Variants in PCBP3 observed in about 807,000 individuals in gnomAD.
PCBP3 encodes poly(rC) binding protein 3.
PCBP3 carries 25 observed loss-of-function variants against 52.7 expected under a neutral mutation model. That is an observed-to-expected ratio of 0.47 (90% confidence interval 0.35 to 0.66). The LOEUF (loss-of-function observed/expected upper bound fraction) is 0.66. PCBP3 is among the 30% of genes least tolerant of loss of function. The pLI, the probability that PCBP3 is intolerant of heterozygous loss-of-function variation, is 0.01. For synonymous variants in PCBP3, 162 were observed against 183.0 expected, an observed-to-expected ratio of 0.89 and a Z score of 0.93; for missense variants, 391 against 490.3, an observed-to-expected ratio of 0.80 and a Z score of 1.91.
intron 14 of PCBP3, among the ~76,000 whole-genome samples, chr21:45,930,375 C>A (rs1365634631): frequency 1.3e-5 from 2 of 152,174 alleles, no homozygotes; most frequent in African/African-American, 2.4e-5. Context: ...TCTCCAGGAG[C>A]AAGAGCACAG....
At chr21:45,720,084 A>G (rs1569149485) in intron 2 of PCBP3, among the ~76,000 whole-genome samples, 1 of 152,172 alleles carries the variant, frequency 6.6e-6, no homozygotes, top group Non-Finnish European at 1.5e-5. Flanking sequence ...TGTTAAAAAT[A>G]TTATACTCGA....
intron 4 of PCBP3, among the ~76,000 whole-genome samples, chr21:45,786,338 T>C (rs1048621987): frequency 7.9e-5 from 12 of 151,974 alleles, no homozygotes; most frequent in Non-Finnish European, 1.6e-4. Flanking sequence ...TTGCCCAGGC[T>C]GGAGTGCAAT....
At chr21:45,679,372 C>T (rs2081685968) in intron 2 of PCBP3, among the ~76,000 whole-genome samples, 1 of 152,182 alleles carries the variant, frequency 6.6e-6, no homozygotes, top group Admixed American at 6.5e-5. Context: ...CCACTCACCT[C>T]AGCTTCCCAA....
chr21:45,852,887 G>A (rs2094104362), intron 5 of PCBP3, among the ~76,000 whole-genome samples: 1 of 152,254 alleles, frequency 6.6e-6, no homozygotes, highest in Admixed American at 6.5e-5. Context: ...AACTAATACA[G>A]TAACTTTTAT....
chr21:45,686,208 G>A (rs940114689), intron 2 of PCBP3, among the ~76,000 whole-genome samples: 9 of 152,208 alleles, frequency 5.9e-5, no homozygotes, highest in East Asian at 1.9e-4. Flanking sequence ...GTGAACCACC[G>A]TGCCTGGCCT....
intron 1 of PCBP3, among the ~76,000 whole-genome samples, chr21:45,646,422 TAAC>T (rs899018683): frequency 1.3e-5 from 2 of 152,190 alleles, no homozygotes; most frequent in Non-Finnish European, 2.9e-5. Flanking sequence ...CCTGTTTTCT[TAAC>T]AACCATTCCT....
At chr21:45,760,130 G>A (rs1234348503) in intron 4 of PCBP3, 2 of 152,134 alleles carry the variant, frequency 1.3e-5, no homozygotes, top group Non-Finnish European at 1.5e-5. Context: ...ACAAACACAA[G>A]TGGAGATAAT....
intron 3 of PCBP3, chr21:45,752,813 G>T (rs1228787480): frequency 1.3e-5 from 2 of 151,532 alleles, no homozygotes; most frequent in Non-Finnish European, 2.9e-5. Context: ...TGGCCATTAA[G>T]TGAAGCTTAA....
intron 15 of PCBP3, among the ~76,000 whole-genome samples, chr21:45,931,717 AAACACGTCGGCCGTGCCGT>A (rs2076202484): frequency 1.5e-5 from 2 of 132,290 alleles, no homozygotes; most frequent in East Asian, 2.6e-4. Flanking sequence ...TGAGATGAAC[AAACACGTCGGCCGTGCCGT>A]CCTGAAATGA....
At position 45,788,825 on chromosome 21, in the gene PCBP3, A is replaced by G. The variant is rs1056850986; in HGVS notation, c.-126+33373A>G. 6.6e-6 allele frequency: 1 copy of G among 152,228 alleles called. No individual in the cohort carries two copies. The highest frequency in any genetic ancestry group is 1.9e-4 in the East Asian group (1 of 5,186). 9.4% of individuals were successfully genotyped at this position (152,228 alleles called of 1,614,324 possible). The stretch of plus-strand genomic sequence containing the variant: ...TGTGGTGACTGTCAACTTTTCATCT[A>G]TGCAGAATGTTAATGACTCACCAGT... On this transcript the variant is annotated intron_variant, in intron 4 of 17. Transcript: ENST00000681687. This position sits in a 1 kb window ranked among gnomAD's most constrained non-coding sequence, Gnocchi z 4.3.
intron 1 of PCBP3, among the ~76,000 whole-genome samples, chr21:45,661,131 A>G (rs562087775): frequency 1.3e-5 from 2 of 152,324 alleles, no homozygotes; most frequent in African/African-American, 4.8e-5. Flanking sequence ...TACTTGTTAC[A>G]GTTTTGTTTT....
intron 2 of PCBP3, among the ~76,000 whole-genome samples, chr21:45,677,138 C>T (rs1303602353): frequency 3.9e-5 from 6 of 152,064 alleles, no homozygotes; most frequent in African/African-American, 9.7e-5. Context: ...CCAGACAGGC[C>T]GAAAGCTGGG....
intron 4 of PCBP3, among the ~76,000 whole-genome samples, chr21:45,808,113 A>T (rs768791136): frequency 2.6e-5 from 4 of 152,230 alleles, no homozygotes; most frequent in Non-Finnish European, 5.9e-5. Context: ...AACCTAGGCA[A>T]TACCATTCAG....
At chr21:45,649,270 G>A (rs1352491342) in intron 1 of PCBP3, among the ~76,000 whole-genome samples, 1 of 152,144 alleles carries the variant, frequency 6.6e-6, no homozygotes, top group East Asian at 1.9e-4. Context: ...AGAACAGCAT[G>A]GGAAAGACCT....
intron 12 of PCBP3, 67 bp downstream of exon 12, chr21:45,914,092 C>A: frequency 6.2e-7 from 1 of 1,610,378 alleles, no homozygotes; most frequent in Non-Finnish European, 8.5e-7. Flanking sequence ...CCCGCCGCTG[C>A]CCGTTAGTGC....
rs1297921351 is a variant in PCBP3 at position 45,877,214 on chromosome 21, C to T, written c.11-18994C>T. The stretch of plus-strand genomic sequence containing the variant: ...GATTACCTCTCTGGTGGTCGGGAAC[C>T]TAGGCCTGGAGCCAGCTGGTCACAG... On this transcript the variant is annotated intron_variant, in intron 5 of 17. Coordinates refer to ENST00000681687, the MANE Select transcript of PCBP3 (RefSeq NM_001384156.1). Among the ~76,000 whole-genome samples the T allele has an allele frequency of 2.0e-5, 3 of 152,184 alleles. No homozygotes were observed. In the East Asian group the frequency reaches 5.8e-4, roughly 29 times the overall value.
At chr21:45,773,256 T>C (rs1451753819) in intron 4 of PCBP3, among the ~76,000 whole-genome samples, 1 of 152,110 alleles carries the variant, frequency 6.6e-6, no homozygotes, top group African/African-American at 2.4e-5. Context: ...TACAGTTAAG[T>C]ATTTTTATAG....
intron 4 of PCBP3, among the ~76,000 whole-genome samples, chr21:45,797,670 G>A (rs1039531230): frequency 2.3e-4 from 2 of 8,786 alleles, no homozygotes; most frequent in African/African-American, 3.7e-4. Flanking sequence ...GATCCATAGG[G>A]AGAGTGAATG....
At chr21:45,731,466 A>G (rs1212364791) in intron 2 of PCBP3, among the ~76,000 whole-genome samples, 1 of 152,118 alleles carries the variant, frequency 6.6e-6, no homozygotes, top group Non-Finnish European at 1.5e-5. Flanking sequence ...CTCTGGGCGG[A>G]GTTTTTAGTG....
Sources: gnomAD v4.1 joint callset for allele counts (sites outside exome capture counted in the v4.1 genomes callset) on GRCh38, gnomAD v4.1.1 for gene constraint, Gnocchi (gnomAD v3.1) non-coding constraint, MANE v1.5 for transcripts, NCBI Gene and HGNC (gene_info 2026-07-23, HGNC 2026-07-21) for gene names.